Variants in TRIO observed in about 807,000 individuals in gnomAD.
TRIO encodes trio Rho guanine nucleotide exchange factor.
In TRIO, 58 loss-of-function variants were observed where a neutral mutation model predicts 351.9. The observed-to-expected ratio is 0.16, with a 90% CI of 0.13 to 0.21. TRIO has a LOEUF of 0.21. Among genes scored for constraint, TRIO ranks in the 10% least tolerant of loss-of-function variants. The pLI is 1.00. For synonymous variants in TRIO, 1,758 were observed against 1,595.7 expected (o/e 1.10, Z -2.42); for missense variants, 3,201 against 4,027.8 (o/e 0.79, Z 5.56).
chr5:14,350,235 C>T (rs1742935149), intron 11 of TRIO, among the ~76,000 whole-genome samples: 1 of 152,152 alleles, frequency 6.6e-6, no homozygotes, highest in African/African-American at 2.4e-5. Flanking sequence ...TATTTGAAGA[C>T]TTGCCACGGC....
chr5:14,208,944 G>A (rs997780515), intron 1 of TRIO, among the ~76,000 whole-genome samples: 4 of 152,230 alleles, frequency 2.6e-5, no homozygotes, highest in Admixed American at 2.0e-4. Flanking sequence ...AAACTGGATT[G>A]TGATGTTGTA....
chr5:14,338,376 A>C (rs1741621747), intron 11 of TRIO, among the ~76,000 whole-genome samples: 1 of 152,078 alleles, frequency 6.6e-6, no homozygotes, highest in Admixed American at 6.5e-5. Flanking sequence ...CCTCCCGCTC[A>C]ACACAGTATC....
intron 1 of TRIO, among the ~76,000 whole-genome samples, chr5:14,263,290 C>T (rs1380147484): frequency 6.6e-6 from 1 of 152,168 alleles, no homozygotes; most frequent in Non-Finnish European, 1.5e-5. Context: ...AGTCCATGTG[C>T]ACTGAGAGAG....
intron 33 of TRIO, among the ~76,000 whole-genome samples, chr5:14,413,828 C>T (rs940549232): frequency 2.0e-5 from 3 of 152,110 alleles, no homozygotes; most frequent in African/African-American, 4.8e-5. Flanking sequence ...ACAACATGAT[C>T]GAAGTTACAG....
At chr5:14,362,761 G>A (rs1050384053) in intron 13 of TRIO, among the ~76,000 whole-genome samples, 2 of 152,100 alleles carry the variant, frequency 1.3e-5, no homozygotes, top group Admixed American at 6.6e-5. Flanking sequence ...CCCTGAGGCC[G>A]GTTCAGGCAC....
chr5:14,379,925 T>G (rs920724114), intron 20 of TRIO, among the ~76,000 whole-genome samples: 2 of 152,188 alleles, frequency 1.3e-5, no homozygotes, highest in Non-Finnish European at 2.9e-5. Context: ...CTCTTGCTGA[T>G]CTTGCCTTGG....
chr5:14,426,002 C>G (rs755811346), intron 34 of TRIO, among the ~76,000 whole-genome samples: 11 of 152,182 alleles, frequency 7.2e-5, no homozygotes, highest in Non-Finnish European at 1.3e-4. Flanking sequence ...GTTTTGTTAA[C>G]TTTATCTCAA....
At chr5:14,385,667 T>A (rs1370484318) in intron 21 of TRIO, among the ~76,000 whole-genome samples, 3 of 152,258 alleles carry the variant, frequency 2.0e-5, no homozygotes, top group Non-Finnish European at 2.9e-5. Flanking sequence ...GAAGAGTTTT[T>A]ACTTTGTATC....
chr5:14,393,558 T>G (rs980567380), intron 27 of TRIO, among the ~76,000 whole-genome samples: 5 of 152,236 alleles, frequency 3.3e-5, no homozygotes, highest in African/African-American at 1.2e-4. Flanking sequence ...TGATTATGCT[T>G]CTTACCAGTA....
In TRIO at chr5:14,330,910, T is replaced by TG; in HGVS notation, c.1854+12dup. The TG allele has an allele frequency of 6.2e-7, 1 of 1,613,772 alleles. No individual in the cohort carries two copies. The highest frequency in any genetic ancestry group is 8.5e-7 in the Non-Finnish European group (1 of 1,179,798). On this transcript the variant is annotated intron_variant, in intron 10 of 56. Coordinates refer to ENST00000344204, the MANE Select transcript of TRIO (RefSeq NM_007118.4). ...TGAAGAAGTGGCACAGGTAAAACAATGGCTTCTATTATTTTATCCCATAAA... is the reference window on the plus strand; with the variant it reads ...TGAAGAAGTGGCACAGGTAAAACAATGGGCTTCTATTATTTTATCCCATAAA...
chr5:14,388,094 AATAG>A (rs570361963), intron 23 of TRIO: 124 of 514,752 alleles, frequency 2.4e-4, no homozygotes, highest in Non-Finnish European at 3.0e-4. Flanking sequence ...AATTGTCATT[AATAG>A]ATAGTGACAC....
chr5:14,313,104 G>A (rs1739068069), intron 8 of TRIO, among the ~76,000 whole-genome samples: 1 of 152,202 alleles, frequency 6.6e-6, no homozygotes, highest in Non-Finnish European at 1.5e-5. Context: ...GGAGTTCCAT[G>A]CTGTCTGGTT....
intron 33 of TRIO, among the ~76,000 whole-genome samples, chr5:14,416,804 T>A (rs1749682198): frequency 6.6e-6 from 1 of 151,156 alleles, no homozygotes; most frequent in Non-Finnish European, 1.5e-5. Flanking sequence ...AATAAGACTC[T>A]GGAGAATGAG....
rs780992368 is a variant in TRIO, at chr5:14,297,170, G to C, written c.1275G>C (p.Gln425His). The change falls in exon 7 of 57, where the codon CAG becomes CAC. Residue 425 changes from glutamine to histidine, a missense_variant. By Grantham distance (24) the Gln-to-His change is conservative. Coordinates refer to ENST00000344204, the MANE Select transcript of TRIO (RefSeq NM_007118.4). The part of the protein sequence containing the change: ...ASQQIRQIAS[Q>H]LEQEWKAFAA... ...AGCAGATCAGGCAGATCGCGAGTCA[G>C]CTGGAGCAGGAGTGGAAGGCGTTTG... 2.5e-6 allele frequency: 4 copies of C among 1,614,114 alleles called. No homozygotes were observed. The highest frequency in any genetic ancestry group is 1.3e-5 in the African/African-American group (1 of 74,954).
At position 14,480,974 on chromosome 5, in the gene TRIO, A is replaced by G. The variant is rs576298560; in HGVS notation, c.6337-260A>G. ...CATAGTGAGAGCTTGTCTATTTAAA[A>G]AAAAAAATTCTTTCAGAACTAAAGT... On this transcript the variant is annotated intron_variant, in intron 43 of 56. Transcript: ENST00000344204. Among the ~76,000 whole-genome samples, 9 of 152,174 alleles carry G rather than the reference A, an allele frequency of 5.9e-5. No individual in the cohort carries two copies. In the East Asian group the frequency reaches 1.7e-3, roughly 29 times the overall value.
At chr5:14,261,917 G>A (rs1324456974) in intron 1 of TRIO, among the ~76,000 whole-genome samples, 1 of 152,202 alleles carries the variant, frequency 6.6e-6, no homozygotes, top group East Asian at 1.9e-4. Context: ...AAATATACTA[G>A]ACAGAGAATG....
Position 14,290,721 on chromosome 5 carries a change from T to C in TRIO, c.546T>C (p.Asn182=). 8.1e-6 allele frequency: 13 copies of C among 1,599,534 alleles called. No individual in the cohort carries two copies. Among genetic ancestry groups the C allele is most frequent in the Non-Finnish European group, 1.1e-5 (13 of 1,171,530 alleles). The change falls in exon 5 of 57, where the codon AAT becomes AAC. Residue 182 remains asparagine (N), a synonymous_variant. Transcript: ENST00000344204. ...FGSSKFEFET[N]MVSLEGLTKV... ...GTGATTTTTTTTCCCTTAAGACAAA[T>C]ATGGTCTCTTTAGAAGGCCTTACCA...
At chr5:14,338,894 A>G (rs1053326006) in intron 11 of TRIO, among the ~76,000 whole-genome samples, 1 of 152,170 alleles carries the variant, frequency 6.6e-6, no homozygotes, top group African/African-American at 2.4e-5. Context: ...ATGCCTGGCC[A>G]TATTCTATAG....
chr5:14,506,595 T>G (rs1337170368), intron 55 of TRIO, among the ~76,000 whole-genome samples: 1 of 152,232 alleles, frequency 6.6e-6, no homozygotes, highest in Non-Finnish European at 1.5e-5. Flanking sequence ...CCCTGGCACT[T>G]GGCAGTGCTG....
Sources: allele counts gnomAD v4.1 joint callset (sites outside exome capture counted in the v4.1 genomes callset), GRCh38; gene constraint gnomAD v4.1.1; transcripts MANE v1.5; gene names NCBI Gene and HGNC (gene_info 2026-07-23, HGNC 2026-07-21).